ATP5MJ: variants seen among roughly 807,000 people sequenced by gnomAD.
ATP5MJ encodes ATP synthase membrane subunit j, also known as ATP synthase F(0) complex subunit j, mitochondrial.
A neutral mutation model predicts 8.3 loss-of-function variants in ATP5MJ; 4 were observed. The observed-to-expected ratio is 0.48, with a 90% CI of 0.24 to 1.11. ATP5MJ has a LOEUF of 1.11. ATP5MJ is among the 50% of genes least tolerant of loss of function. The pLI is 0.18. For missense variants in ATP5MJ, 66 were observed against 71.8 expected (o/e 0.92, Z 0.29); for synonymous variants, 23 against 21.3 (o/e 1.08, Z -0.23).
intron 1 of ATP5MJ, among the ~76,000 whole-genome samples, chr14:103,918,288 T>C (rs898596876): frequency 2.0e-5 from 3 of 152,074 alleles, no homozygotes; most frequent in Non-Finnish European, 4.4e-5. Flanking sequence ...CTGGGAATCC[T>C]GGGCTCCAAC....
chr14:103,915,168 TTTTAATA>T lies in ATP5MJ; in HGVS notation c.15_21del (p.Ile6ThrfsTer6). 6.2e-7 allele frequency: 1 copy of T among 1,613,646 alleles called. No homozygotes were observed. Among genetic ancestry groups the T allele is most frequent in the Non-Finnish European group, 8.5e-7 (1 of 1,179,684 alleles). On this transcript the variant is annotated frameshift_variant, in exon 2 of 4. Transcript: ENST00000286953. LOFTEE classifies it high-confidence loss of function. ...TAGGGCTTCATGGGGATCCATATGTTTTTAATAATACTTTGAAGCATCTGAAAATGAA... is the reference window on the plus strand; with the variant it reads ...TAGGGCTTCATGGGGATCCATATGTTATACTTTGAAGCATCTGAAAATGAA...
intron 2 of ATP5MJ, 68 bp from the exon 3 acceptor site, chr14:103,914,052 A>T: frequency 7.0e-7 from 1 of 1,438,444 alleles, no homozygotes; most frequent in Non-Finnish European, 9.6e-7. Context: ...TGTCAAAATT[A>T]ACATTTAGCT....
At chr14:103,920,306 GT>G (rs1197014351) in intron 1 of ATP5MJ, among the ~76,000 whole-genome samples, 2 of 148,890 alleles carry the variant, frequency 1.3e-5, no homozygotes, top group Non-Finnish European at 3.0e-5. Flanking sequence ...CTAATTTTTT[GT>G]ATTTTTGGTA....
intron 2 of ATP5MJ, chr14:103,914,837 CAAAA>C (rs35916279): frequency 7.6e-3 from 1,431 of 189,042 alleles, no homozygotes; most frequent in East Asian, 0.011. Flanking sequence ...AGACTGTCTC[CAAAA>C]AAAAAAAAAA....
Position 103,912,569 on chromosome 14 carries a change from G to C in ATP5MJ, c.*97C>G, listed in dbSNP as rs2087588677. 1 of 1,228,964 alleles carries C rather than the reference G, an allele frequency of 8.1e-7. No individual in the cohort carries two copies. The highest frequency in any genetic ancestry group is 1.5e-5 in the African/African-American group (1 of 66,516). The allele number at this position is 1,228,964 out of a possible 1,614,324, so 76.1% of individuals were successfully genotyped here. On this transcript the variant is annotated 3_prime_UTR_variant, in exon 4 of 4. Transcript: ENST00000286953. ...CATGAAGTAAACGGTACTTATACAAGTGTACAGTGACGTTCCACGCTCCCC... is the reference window on the plus strand; with the variant it reads ...CATGAAGTAAACGGTACTTATACAACTGTACAGTGACGTTCCACGCTCCCC...
intron 1 of ATP5MJ, among the ~76,000 whole-genome samples, chr14:103,916,878 T>C (rs2087630012): frequency 1.3e-5 from 2 of 152,096 alleles, no homozygotes; most frequent in African/African-American, 4.8e-5. Flanking sequence ...GGCAGTGTGC[T>C]CCCTTTCCCA....
chr14:103,914,853 A>G (rs1358237467), intron 2 of ATP5MJ: 35 of 450,780 alleles, frequency 7.8e-5, no homozygotes, highest in South Asian at 5.7e-4. Flanking sequence ...AAAAAAAAAA[A>G]AAAAGAAAAG....
chr14:103,921,394 G>C, intron 1 of ATP5MJ, 76 bp downstream of exon 1: 1 of 243,604 alleles, frequency 4.1e-6, no homozygotes, highest in East Asian at 9.4e-5. Context: ...AGATCAGCTG[G>C]GGCCAAGGCG....
chr14:103,917,800 ACTCCTATAAAGTGGGTACTTGGAGAAAG>A (rs1177719570), intron 1 of ATP5MJ, among the ~76,000 whole-genome samples: 1 of 151,966 alleles, frequency 6.6e-6, no homozygotes, highest in Non-Finnish European at 1.5e-5. Flanking sequence ...ACTGCTTCCC[ACTCCTATAAAGTGGGTACTTGGAGAAAG>A]CTCCTATAAA....
At chr14:103,914,863 G>GAAAAAAAAAAAA in intron 2 of ATP5MJ, 2 of 356,952 alleles carry the variant, frequency 5.6e-6, no homozygotes, top group Non-Finnish European at 4.6e-6. Context: ...AAAAAGAAAA[G>GAAAAAAAAAAAA]AAAAGAAAAA....
rs2087588914 is a variant in ATP5MJ, at chr14:103,912,590, T to TC, written c.*75dup. 3 of 1,450,240 alleles carry TC rather than the reference T, an allele frequency of 2.1e-6. No individual in the cohort carries two copies. The highest frequency in any genetic ancestry group is 2.8e-5 in the African/African-American group (2 of 70,934). 89.8% of individuals were successfully genotyped at this position (1,450,240 alleles called of 1,614,324 possible). On this transcript the variant is annotated 3_prime_UTR_variant, in exon 4 of 4. Transcript: ENST00000286953. Reference sequence around the variant, plus strand: ...ACAAGTGTACAGTGACGTTCCACGCTCCCCATCTAACACGGCTTGCTGAAA... The same window carrying TC: ...ACAAGTGTACAGTGACGTTCCACGCTCCCCCATCTAACACGGCTTGCTGAAA...
At chr14:103,912,961 C>A in intron 3 of ATP5MJ, 1 of 466,178 alleles carries the variant, frequency 2.1e-6, no homozygotes, top group East Asian at 3.4e-5. Context: ...TGTAGCCAGT[C>A]CTGGGTTTGT....
Position 103,912,505 on chromosome 14 carries a change from C to T in ATP5MJ, c.*161G>A, listed in dbSNP as rs140354253. 1.1e-4 allele frequency: 81 copies of T among 744,614 alleles called. No individual in the cohort carries two copies. The African/African-American group carries it at 1.1e-3, about 11-fold the overall frequency. The allele number at this position is 744,614 out of a possible 1,614,324, so 46.1% of individuals were successfully genotyped here. The stretch of plus-strand genomic sequence containing the variant: ...GAGGGGGAACACACTGAAAGCAGTA[C>T]CAGGTAGCAGTGCATCTCACAGATC... On this transcript the variant is annotated 3_prime_UTR_variant, in exon 4 of 4. Coordinates refer to ENST00000286953, the MANE Select transcript of ATP5MJ (RefSeq NM_004894.3).
At chr14:103,918,429 C>T (rs184962528) in intron 1 of ATP5MJ, among the ~76,000 whole-genome samples, 2 of 151,890 alleles carry the variant, frequency 1.3e-5, no homozygotes, top group Non-Finnish European at 2.9e-5. Context: ...TGGCGGATCT[C>T]GGCTCATTGC....
intron 1 of ATP5MJ, among the ~76,000 whole-genome samples, chr14:103,919,239 G>A (rs2087651654): frequency 6.6e-6 from 1 of 151,072 alleles, no homozygotes; most frequent in Non-Finnish European, 1.5e-5. Context: ...AAACTAGCTG[G>A]GCATGGTGGT....
In ATP5MJ at chr14:103,914,837, C is replaced by CAAAAAGG. The variant is rs370479683; in HGVS notation, c.124+228_124+229insCCTTTTT. ...GGGCGTCAGAGTGAGAGACTGTCTCCAAAAAAAAAAAAAAAAAAAAGAAAA... is the reference window on the plus strand; with the variant it reads ...GGGCGTCAGAGTGAGAGACTGTCTCCAAAAAGGAAAAAAAAAAAAAAAAAAAAGAAAA... On this transcript the variant is annotated intron_variant, in intron 2 of 3. Transcript: ENST00000286953. The CAAAAAGG allele has an allele frequency of 2.6e-4, 50 of 191,080 alleles. No homozygotes were observed. In the African/African-American group the frequency reaches 2.8e-3, roughly 11 times the overall value. The allele number at this position is 191,080 out of a possible 1,614,324, so 11.8% of individuals were successfully genotyped here. A position where few individuals can be genotyped will look rare whatever the true frequency, so the allele number is the denominator to read the frequency against.
Position 103,915,194 on chromosome 14 carries a change from A to G in ATP5MJ, c.1-5T>C. ...TTTAATAATACTTTGAAGCATCTGA[A>G]AATGAACACAGTGATTAAAAATTAG... is the stretch of plus-strand genomic sequence containing the variant. On this transcript the variant is annotated splice_polypyrimidine_tract_variant and splice_region_variant and intron_variant, in intron 1 of 3. Coordinates refer to ENST00000286953, the MANE Select transcript of ATP5MJ (RefSeq NM_004894.3). 1 of 1,610,352 alleles carries G rather than the reference A, an allele frequency of 6.2e-7. No individual in the cohort carries two copies. Among genetic ancestry groups the G allele is most frequent in the Non-Finnish European group, 8.5e-7 (1 of 1,178,200 alleles).
intron 2 of ATP5MJ, chr14:103,914,837 C>CAAAAAAA (rs35916279): frequency 0.042 from 7,901 of 189,066 alleles, 391 homozygotes; most frequent in Admixed American, 0.055. Context: ...AGACTGTCTC[C>CAAAAAAA]AAAAAAAAAA....
chr14:103,920,982 C>G (rs1190525145), intron 1 of ATP5MJ: 3 of 1,551,738 alleles, frequency 1.9e-6, no homozygotes, highest in South Asian at 2.4e-5. Context: ...GAGTTCCATA[C>G]AATTTCATTC....
Sources: gnomAD v4.1 joint callset for allele counts (sites outside exome capture counted in the v4.1 genomes callset) on GRCh38, gnomAD v4.1.1 for gene constraint, MANE v1.5 for transcripts, NCBI Gene and HGNC (gene_info 2026-07-23, HGNC 2026-07-21) for gene names.